Variants in ERCC6L2 observed in about 807,000 individuals in gnomAD.
ERCC6L2 encodes the protein ERCC excision repair 6 like 2, also known as DNA excision repair protein ERCC-6-like 2.
In ERCC6L2, 77 loss-of-function variants were observed where a neutral mutation model predicts 132.0. The observed-to-expected ratio is 0.58, with a 90% CI of 0.49 to 0.71. The LOEUF (loss-of-function observed/expected upper bound fraction) is 0.71, where lower values mean the gene tolerates loss of function less well. Among genes scored for constraint, ERCC6L2 ranks in the 30% least tolerant of loss-of-function variants. The pLI is 0.00. For missense variants in ERCC6L2, 1,542 were observed against 1,837.6 expected (o/e 0.84, Z 2.94); for synonymous variants, 583 against 632.4 (o/e 0.92, Z 1.17).
At chr9:95,936,350 G>A (rs1310237709) in intron 11 of ERCC6L2, among the ~76,000 whole-genome samples, 1 of 152,104 alleles carries the variant, frequency 6.6e-6, no homozygotes, top group Non-Finnish European at 1.5e-5. Context: ...ATTTCATCTT[G>A]TTCTCTTCCT....
At chr9:95,928,955 A>G in intron 11 of ERCC6L2, 91 bp downstream of exon 11, 1 of 975,200 alleles carries the variant, frequency 1.0e-6, no homozygotes, top group South Asian at 2.1e-5. Context: ...TTAATTTTTA[A>G]TGGCTATGCT....
chr9:96,008,690 T>G (rs141548232), intron 18 of ERCC6L2, among the ~76,000 whole-genome samples: 1,663 of 152,342 alleles, frequency 0.011, 34 homozygotes, highest in African/African-American at 0.037. Context: ...AACTGACTTA[T>G]GAAGGCACAC....
intron 12 of ERCC6L2, among the ~76,000 whole-genome samples, chr9:95,942,825 T>A (rs972753783): frequency 6.6e-6 from 1 of 152,068 alleles, no homozygotes; most frequent in Non-Finnish European, 1.5e-5. Flanking sequence ...AGAGAAAACA[T>A]ACATGTTAGT....
chr9:95,883,385 C>T (rs1193751320), intron 2 of ERCC6L2, among the ~76,000 whole-genome samples: 1 of 152,124 alleles, frequency 6.6e-6, no homozygotes, highest in Non-Finnish European at 1.5e-5. Context: ...GGTCTTAGAC[C>T]GAACCCGTGG....
intron 18 of ERCC6L2, among the ~76,000 whole-genome samples, chr9:96,005,468 C>T (rs1833835742): frequency 6.6e-6 from 1 of 151,838 alleles, no homozygotes; most frequent in Non-Finnish European, 1.5e-5. Context: ...GGACATGGAA[C>T]CACCTTTCTT....
In ERCC6L2 at chr9:96,014,543, T is replaced by TA. The variant is rs1413059523; in HGVS notation, c.*1344dup. The TA allele has an allele frequency of 1.3e-5, 2 of 152,352 alleles. No individual in the cohort carries two copies. The highest frequency in any genetic ancestry group is 3.9e-4 in the East Asian group (2 of 5,192). The allele number at this position is 152,352 out of a possible 1,614,324, so 9.4% of individuals were successfully genotyped here. A position where few individuals can be genotyped will look rare whatever the true frequency, so the allele number is the denominator to read the frequency against. On this transcript the variant is annotated 3_prime_UTR_variant, in exon 19 of 19. Transcript: ENST00000653738. Reference sequence around the variant, plus strand: ...TGTGTTCGTACATATATGATTGGAATAAAATGTTTATGAAATATTTACTCA... The same window carrying TA: ...TGTGTTCGTACATATATGATTGGAATAAAAATGTTTATGAAATATTTACTCA...
intron 3 of ERCC6L2, among the ~76,000 whole-genome samples, chr9:95,902,960 T>C (rs1227934394): frequency 6.6e-6 from 1 of 152,128 alleles, no homozygotes; most frequent in Non-Finnish European, 1.5e-5. Context: ...GAATTATTTA[T>C]TGATTTTTTA....
chr9:96,027,475 C>G (rs1456504775), intron 19 of ERCC6L2, among the ~76,000 whole-genome samples: 2 of 152,190 alleles, frequency 1.3e-5, no homozygotes, highest in Non-Finnish European at 2.9e-5. Flanking sequence ...CTGCGTGTGC[C>G]CGGCTCAGTC....
At chr9:95,984,923 TAATC>T (rs1391981175) in intron 17 of ERCC6L2, among the ~76,000 whole-genome samples, 1 of 152,114 alleles carries the variant, frequency 6.6e-6, no homozygotes, top group Non-Finnish European at 1.5e-5. Context: ...CGAACATAGT[TAATC>T]AGTCAGGGGA....
chr9:95,949,127 A>T (rs1243760081), intron 12 of ERCC6L2, among the ~76,000 whole-genome samples: 1 of 152,202 alleles, frequency 6.6e-6, no homozygotes, highest in Non-Finnish European at 1.5e-5. Flanking sequence ...ACAGCAGACC[A>T]AAATAGGGAG....
chr9:95,978,023 A>G, intron 16 of ERCC6L2, 38 bp from the exon 17 acceptor site: 8 of 1,327,190 alleles, frequency 6.0e-6, no homozygotes, highest in Non-Finnish European at 8.0e-6. Flanking sequence ...ATTGCTTTAT[A>G]CTGATACATC....
At chr9:95,948,791 G>GGAAAAAAAAA (rs1383535780) in intron 12 of ERCC6L2, among the ~76,000 whole-genome samples, 1 of 104,070 alleles carries the variant, frequency 9.6e-6, no homozygotes, top group African/African-American at 4.2e-5. Flanking sequence ...CAAGACATTA[G>GGAAAAAAAAA]AAAAAAAAAA....
At chr9:95,996,688 C>T (rs1833483397) in intron 17 of ERCC6L2, among the ~76,000 whole-genome samples, 1 of 152,182 alleles carries the variant, frequency 6.6e-6, no homozygotes, top group South Asian at 2.1e-4. Flanking sequence ...CATAAATGAA[C>T]CAACAAAGCC....
At chr9:96,040,146 A>G (rs1834562043) in intron 20 of ERCC6L2, among the ~76,000 whole-genome samples, 2 of 151,796 alleles carry the variant, frequency 1.3e-5, no homozygotes, top group South Asian at 4.2e-4. Flanking sequence ...CAAGAAACAC[A>G]GTCCTGCCCC....
downstream of ERCC6L2, among the ~76,000 whole-genome samples, chr9:96,018,825 TCTTA>T (rs997384476): frequency 1.3e-5 from 2 of 152,174 alleles, no homozygotes; most frequent in African/African-American, 4.8e-5. Context: ...TTAAGACCAA[TCTTA>T]ATTATACCAA....
At chr9:96,039,651 C>T (rs1834556305) in intron 20 of ERCC6L2, among the ~76,000 whole-genome samples, 1 of 152,060 alleles carries the variant, frequency 6.6e-6, no homozygotes, top group Admixed American at 6.6e-5. Flanking sequence ...TGAAGGTGGC[C>T]TCTTGGGGTG....
chr9:95,922,993 T>C (rs1829942004), intron 8 of ERCC6L2, among the ~76,000 whole-genome samples: 1 of 152,204 alleles, frequency 6.6e-6, no homozygotes, highest in Non-Finnish European at 1.5e-5. Context: ...CTCTTTACTC[T>C]TTGGGAGTAT....
intron 17 of ERCC6L2, among the ~76,000 whole-genome samples, chr9:95,987,981 C>T (rs1009602437): frequency 6.6e-6 from 1 of 152,188 alleles, no homozygotes; most frequent in Non-Finnish European, 1.5e-5. Context: ...TGGGGCTTGC[C>T]CTCTCTGAAG....
chr9:96,022,499 G>A (rs1834308489), downstream of ERCC6L2, among the ~76,000 whole-genome samples: 1 of 152,160 alleles, frequency 6.6e-6, no homozygotes, highest in African/African-American at 2.4e-5. Context: ...AGGCACAGAG[G>A]GGCACTCGGC....
Sources: gnomAD v4.1 joint callset for allele counts (sites outside exome capture counted in the v4.1 genomes callset) on GRCh38, gnomAD v4.1.1 for gene constraint, MANE v1.5 for transcripts, NCBI Gene and HGNC (gene_info 2026-07-23, HGNC 2026-07-21) for gene names.